Variants in FAM168A observed in about 807,000 individuals in gnomAD.
FAM168A encodes the protein family with sequence similarity 168 member A, also known as protein FAM168A.
FAM168A carries 3 observed loss-of-function variants against 28.5 expected under a neutral mutation model. The ratio of observed to expected loss-of-function variants is 0.11; its 90% CI spans 0.05 to 0.27. The LOEUF is 0.27. Ranked by LOEUF, FAM168A falls within the 10% of genes least tolerant of loss-of-function variation. The pLI is 1.00. For missense variants in FAM168A, 222 were observed against 311.5 expected (o/e 0.71, Z 2.16); for synonymous variants, 122 against 124.2 (o/e 0.98, Z 0.12).
intron 1 of FAM168A, among the ~76,000 whole-genome samples, chr11:73,480,606 T>C (rs1487551460): frequency 1.3e-5 from 2 of 152,184 alleles, no homozygotes; most frequent in Admixed American, 1.3e-4. Context: ...GAGGATGTCA[T>C]TTTTCTTGGT....
intron 1 of FAM168A, among the ~76,000 whole-genome samples, chr11:73,485,901 A>T (rs1180950494): frequency 6.6e-6 from 1 of 152,082 alleles, no homozygotes; most frequent in Non-Finnish European, 1.5e-5. Flanking sequence ...CAGCCAGGGA[A>T]CTCTATTCTT....
intron 1 of FAM168A, among the ~76,000 whole-genome samples, chr11:73,586,398 T>C (rs1944314160): frequency 1.3e-5 from 2 of 152,070 alleles, no homozygotes; most frequent in South Asian, 2.1e-4. Context: ...CTGGGCAATA[T>C]AGCAAGACCC....
chr11:73,575,269 G>A (rs1218430992), intron 1 of FAM168A, among the ~76,000 whole-genome samples: 1 of 152,156 alleles, frequency 6.6e-6, no homozygotes, highest in Non-Finnish European at 1.5e-5. Context: ...AATATTCCAT[G>A]TATGTTACTG....
At chr11:73,476,389 C>A (rs1009680818) in intron 1 of FAM168A, among the ~76,000 whole-genome samples, 3 of 128,540 alleles carry the variant, frequency 2.3e-5, no homozygotes, top group Non-Finnish European at 4.7e-5. Context: ...GAGACAGACT[C>A]TACAGAAGAG....
intron 3 of FAM168A, chr11:73,430,165 T>G: frequency 6.3e-6 from 1 of 158,304 alleles, no homozygotes; most frequent in South Asian, 1.8e-4. Flanking sequence ...TCAATCCGAG[T>G]GTTGGGCCTT....
At chr11:73,487,449 T>G (rs2131670) in intron 1 of FAM168A, among the ~76,000 whole-genome samples, 38,204 of 152,014 alleles carry the variant, frequency 0.25, 5,227 homozygotes, top group South Asian at 0.35. Flanking sequence ...CATCATCAGA[T>G]TCAACATCAT....
Position 73,457,723 on chromosome 11 carries a change from CAAAA to C in FAM168A, c.70+10678_70+10681del, listed in dbSNP as rs58142151. On this transcript the variant is annotated intron_variant, in intron 2 of 7. Coordinates refer to ENST00000356467, the MANE Select transcript of FAM168A (RefSeq NM_015159.3). ...TGCTACGGTACTCTAGCCTGGGTGA[CAAAA>C]AAAAAAAAAAAAAAAAAAAAAAAGA... 3.7e-4 allele frequency among the ~76,000 whole-genome samples: 14 copies of C among 37,534 alleles called. 1 individual carries two copies. The highest frequency in any genetic ancestry group is 5.0e-4 in the Admixed American group (1 of 2,006). The allele number at this position is 37,534 out of a possible 152,430, so 24.6% of individuals were successfully genotyped here. A position where few individuals can be genotyped will look rare whatever the true frequency, so the allele number is the denominator to read the frequency against.
At chr11:73,484,880 G>A (rs1868033228) in intron 1 of FAM168A, among the ~76,000 whole-genome samples, 1 of 151,758 alleles carries the variant, frequency 6.6e-6, no homozygotes, top group Non-Finnish European at 1.5e-5. Flanking sequence ...GATGTTCAAG[G>A]ACAGGAAGCA....
chr11:73,483,755 T>C (rs1868000120), intron 1 of FAM168A, among the ~76,000 whole-genome samples: 1 of 152,206 alleles, frequency 6.6e-6, no homozygotes, highest in African/African-American at 2.4e-5. Flanking sequence ...AAGATGGTGT[T>C]CATTTGGAAG....
chr11:73,474,028 T>A (rs1867852720), intron 1 of FAM168A, among the ~76,000 whole-genome samples: 1 of 152,150 alleles, frequency 6.6e-6, no homozygotes, highest in Admixed American at 6.5e-5. Context: ...CAGGCTGGTC[T>A]CAAACTCCTG....
intron 1 of FAM168A, among the ~76,000 whole-genome samples, chr11:73,570,455 T>C (rs1218096118): frequency 6.6e-6 from 1 of 151,604 alleles, no homozygotes; most frequent in Non-Finnish European, 1.5e-5. Context: ...AAAAGAAAAA[T>C]TTTAGACTGG....
chr11:73,549,092 C>T (rs1318362948), intron 1 of FAM168A, among the ~76,000 whole-genome samples: 1 of 152,192 alleles, frequency 6.6e-6, no homozygotes, highest in Non-Finnish European at 1.5e-5. Context: ...CAGGCATGCG[C>T]CACCATGCCC....
At chr11:73,493,514 G>GT (rs1485253034) in intron 1 of FAM168A, among the ~76,000 whole-genome samples, 2 of 152,168 alleles carry the variant, frequency 1.3e-5, no homozygotes, top group Admixed American at 6.5e-5. Context: ...CTGGGCTCAA[G>GT]TGATCCTCCC....
intron 2 of FAM168A, among the ~76,000 whole-genome samples, chr11:73,462,818 C>G (rs889436662): frequency 6.7e-6 from 1 of 149,906 alleles, no homozygotes; most frequent in Non-Finnish European, 1.5e-5. Context: ...GAGCCAAGAT[C>G]GCACCACTGC....
At chr11:73,505,028 A>C (rs1164984649) in intron 1 of FAM168A, among the ~76,000 whole-genome samples, 6 of 151,756 alleles carry the variant, frequency 4.0e-5, no homozygotes, top group Non-Finnish European at 7.4e-5. Flanking sequence ...AGGGAAGGGA[A>C]CTAAGAGTAC....
At chr11:73,510,387 G>A (rs905903444) in intron 1 of FAM168A, among the ~76,000 whole-genome samples, 48 of 152,258 alleles carry the variant, frequency 3.2e-4, no homozygotes, top group African/African-American at 7.7e-4. Context: ...GTAGAGCCTC[G>A]TAGGGAGAAA....
chr11:73,495,157 G>A (rs555621056), intron 1 of FAM168A, among the ~76,000 whole-genome samples: 46 of 149,644 alleles, frequency 3.1e-4, no homozygotes, highest in Non-Finnish European at 6.2e-4. Context: ...AACTGATCCC[G>A]TCTCTGCTGA....
At chr11:73,456,721 T>C (rs1001253893) in intron 2 of FAM168A, among the ~76,000 whole-genome samples, 1 of 152,260 alleles carries the variant, frequency 6.6e-6, no homozygotes, top group African/African-American at 2.4e-5. Flanking sequence ...CAGCAGAAAC[T>C]ATCTGAAGTA....
chr11:73,480,446 A>C (rs549157638), intron 1 of FAM168A, among the ~76,000 whole-genome samples: 3 of 152,142 alleles, frequency 2.0e-5, no homozygotes, highest in African/African-American at 7.2e-5. Context: ...AAAGAACCCA[A>C]CTATTCATTA....
Sources: allele counts gnomAD v4.1 joint callset (sites outside exome capture counted in the v4.1 genomes callset), GRCh38; gene constraint gnomAD v4.1.1; transcripts MANE v1.5; gene names NCBI Gene and HGNC (gene_info 2026-07-23, HGNC 2026-07-21).